NUF2: variants seen among roughly 807,000 people sequenced by gnomAD.
NUF2 encodes kinetochore protein Nuf2.
A neutral mutation model predicts 61.8 loss-of-function variants in NUF2; 34 were observed. The observed-to-expected ratio is 0.55, with a 90% confidence interval of 0.42 to 0.73. The LOEUF (loss-of-function observed/expected upper bound fraction) is 0.73. Ranked by LOEUF, NUF2 falls within the 30% of genes least tolerant of loss-of-function variation. NUF2 has a pLI of 0.00. For synonymous variants in NUF2, 172 were observed against 181.6 expected (o/e 0.95, Z 0.42); for missense variants, 445 against 539.1 (o/e 0.83, Z 1.73).
chr1:163,352,039 T>C lies in NUF2; in HGVS notation c.1260+2959T>C, dbSNP rs1054353574. Among the ~76,000 whole-genome samples, 35 of 152,316 alleles carry C rather than the reference T, an allele frequency of 2.3e-4. No homozygotes were observed. The South Asian group carries it at 3.3e-3, about 14-fold the overall frequency. ...CCCACATCTGACCTTTTCTTCACTT[T>C]CTTTCCCTTTTCTTTTTCTCTCTTT... On this transcript the variant is annotated intron_variant, in intron 13 of 13. Coordinates refer to ENST00000271452, the MANE Select transcript of NUF2 (RefSeq NM_145697.3).
At chr1:163,327,956 G>A (rs61812216) in intron 3 of NUF2, 39,205 of 377,192 alleles carry the variant, frequency 0.1, 2,605 homozygotes, top group South Asian at 0.19. Context: ...TTGAAATGAG[G>A]CAACTGAGCT....
Position 163,345,830 on chromosome 1 carries a change from A to G in NUF2, c.948+12A>G. 1 of 1,568,184 alleles carries G rather than the reference A, an allele frequency of 6.4e-7. No homozygotes were observed. Among genetic ancestry groups the G allele is most frequent in the Admixed American group, 1.8e-5 (1 of 54,526 alleles). ...GTATCTTAAAGGAGGTTTGTATTGT[A>G]TGGAATTTTGATGTCTTTATTATAT... On this transcript the variant is annotated intron_variant, in intron 11 of 13. Transcript: ENST00000271452.
At chr1:163,337,336 A>C (rs1037676698) in intron 6 of NUF2, among the ~76,000 whole-genome samples, 1 of 151,926 alleles carries the variant, frequency 6.6e-6, no homozygotes, top group Non-Finnish European at 1.5e-5. Context: ...TTCATCAACA[A>C]CTTAAAGAAC....
chr1:163,343,254 A>C (rs1013881434), intron 9 of NUF2, among the ~76,000 whole-genome samples: 1 of 152,204 alleles, frequency 6.6e-6, no homozygotes, highest in Non-Finnish European at 1.5e-5. Context: ...CTTATGAAAC[A>C]CATATTAAGT....
intron 8 of NUF2, 57 bp from the exon 9 acceptor site, chr1:163,340,307 A>T: frequency 3.1e-6 from 4 of 1,275,998 alleles, no homozygotes; most frequent in Non-Finnish European, 4.5e-6. Flanking sequence ...GACAGCAGTG[A>T]GTGGCTAAAT....
intron 1 of NUF2, among the ~76,000 whole-genome samples, chr1:163,325,499 A>G (rs1301217696): frequency 6.6e-6 from 1 of 152,146 alleles, no homozygotes; most frequent in Non-Finnish European, 1.5e-5. Context: ...CAATTATATC[A>G]TCTATTCTTA....
intron 4 of NUF2, 85 bp from the exon 5 acceptor site, chr1:163,328,761 C>A: frequency 3.5e-6 from 3 of 854,858 alleles, no homozygotes; most frequent in South Asian, 3.0e-5. Context: ...AAATCTCTTT[C>A]TGAAAATAAG....
At position 163,355,686 on chromosome 1, in the gene NUF2, C is replaced by G. The variant is rs1396054229; in HGVS notation, c.*217C>G. The G allele has an allele frequency of 3.2e-6, 1 of 312,082 alleles. No homozygotes were observed. The highest frequency in any genetic ancestry group is 2.2e-5 in the African/African-American group (1 of 46,196). 19.3% of individuals were successfully genotyped at this position (312,082 alleles called of 1,614,324 possible). A position where few individuals can be genotyped will look rare whatever the true frequency, so the allele number is the denominator to read the frequency against. ...TTGTGCAGCTATTCATGTCTCTACTCTGCCCCTTGTTGTAAATAGTTTGAG... is the reference window on the plus strand; with the variant it reads ...TTGTGCAGCTATTCATGTCTCTACTGTGCCCCTTGTTGTAAATAGTTTGAG... On this transcript the variant is annotated 3_prime_UTR_variant, in exon 14 of 14. Coordinates refer to ENST00000271452, the MANE Select transcript of NUF2 (RefSeq NM_145697.3).
At chr1:163,347,723 AT>A in intron 11 of NUF2, 39 bp from the exon 12 acceptor site, 6 of 1,223,996 alleles carry the variant, frequency 4.9e-6, no homozygotes, top group Non-Finnish European at 6.6e-6. Flanking sequence ...CTAAATCCTA[AT>A]TGGTTATGTT....
At chr1:163,327,670 C>A (rs1363357024) in intron 3 of NUF2, 108 bp downstream of exon 3, 1 of 678,466 alleles carries the variant, frequency 1.5e-6, no homozygotes, top group Non-Finnish European at 2.6e-6. Context: ...ATAGGAAGTT[C>A]TTGACTTTAT....
chr1:163,346,137 T>A (rs1320060915), intron 11 of NUF2: 1 of 166,416 alleles, frequency 6.0e-6, no homozygotes, highest in East Asian at 1.7e-4. Context: ...TGCCTGAAAC[T>A]GTGGATAGTA....
At position 163,338,084 on chromosome 1, in the gene NUF2, A is replaced by G. The variant is rs778855576; in HGVS notation, c.500A>G (p.Glu167Gly). The change falls in exon 7 of 14, where the codon GAG (glutamate) becomes GGG (glycine). Residue 167 changes from glutamate to glycine, a missense_variant. Physicochemically the swap from Glu to Gly is moderately conservative, Grantham distance 98. Transcript: ENST00000271452. Reference sequence around the variant, plus strand: ...CACCAGGAGGCATTAATGAAACTGGAGAGACTTGAGTAAGTGGGAGATTTA... The same window carrying G: ...CACCAGGAGGCATTAATGAAACTGGGGAGACTTGAGTAAGTGGGAGATTTA... ...AAHQEALMKL[E>G]RLDSVPVEEQ... 1.9e-6 allele frequency: 3 copies of G among 1,611,484 alleles called. No individual in the cohort carries two copies. Among genetic ancestry groups the G allele is most frequent in the African/African-American group, 2.7e-5 (2 of 74,850 alleles).
chr1:163,352,243 A>G (rs17363117), intron 13 of NUF2, among the ~76,000 whole-genome samples: 63,241 of 152,048 alleles, frequency 0.42, 13,548 homozygotes, highest in South Asian at 0.59. Flanking sequence ...CCCTTCATAC[A>G]TACAGCGCTC....
At position 163,352,081 on chromosome 1, in the gene NUF2, A is replaced by C. The variant is rs1651339688; in HGVS notation, c.1260+3001A>C. 3.4e-5 allele frequency among the ~76,000 whole-genome samples: 5 copies of C among 148,696 alleles called. No individual in the cohort carries two copies. The Admixed American group carries it at 3.4e-4, about 10-fold the overall frequency. On this transcript the variant is annotated intron_variant, in intron 13 of 13. Coordinates refer to ENST00000271452, the MANE Select transcript of NUF2 (RefSeq NM_145697.3). ...TCTCTCTTTTGCTCAACTTCTTCAT[A>C]AATTTCTTTGTATTTCTCAATTGCA...
chr1:163,353,500 T>C (rs1376040110), intron 13 of NUF2, among the ~76,000 whole-genome samples: 1 of 152,234 alleles, frequency 6.6e-6, no homozygotes, highest in Non-Finnish European at 1.5e-5. Context: ...GACTGAATTT[T>C]TAATTTCATT....
chr1:163,336,308 T>C (rs1399673729), intron 5 of NUF2, among the ~76,000 whole-genome samples: 2 of 152,166 alleles, frequency 1.3e-5, no homozygotes, highest in East Asian at 1.9e-4. Flanking sequence ...TCTGTCTTCT[T>C]GACCCAGCAA....
chr1:163,326,316 A>G (rs1650416049), intron 2 of NUF2, 142 bp downstream of exon 2: 1 of 646,026 alleles, frequency 1.5e-6, no homozygotes, highest in African/African-American at 1.8e-5. Flanking sequence ...TCTCTCACCT[A>G]GCATAATTTA....
chr1:163,345,826 T>C lies in NUF2; in HGVS notation c.948+8T>C. On this transcript the variant is annotated splice_region_variant and intron_variant, in intron 11 of 13. Coordinates refer to ENST00000271452, the MANE Select transcript of NUF2 (RefSeq NM_145697.3). ...GCCAGTATCTTAAAGGAGGTTTGTA[T>C]TGTATGGAATTTTGATGTCTTTATT... The C allele has an allele frequency of 6.4e-7, 1 of 1,572,134 alleles. No individual in the cohort carries two copies. Among genetic ancestry groups the C allele is most frequent in the Non-Finnish European group, 8.7e-7 (1 of 1,154,084 alleles).
At chr1:163,353,755 C>T (rs1018147062) in intron 13 of NUF2, among the ~76,000 whole-genome samples, 1 of 152,162 alleles carries the variant, frequency 6.6e-6, no homozygotes, top group Admixed American at 6.5e-5. Context: ...CACCATTAAA[C>T]ATCTTGTGAG....
Sources: gnomAD v4.1 joint callset for allele counts (sites outside exome capture counted in the v4.1 genomes callset) on GRCh38, gnomAD v4.1.1 for gene constraint, MANE v1.5 for transcripts, NCBI Gene and HGNC (gene_info 2026-07-23, HGNC 2026-07-21) for gene names.